The following ERC1 variants were observed in gnomAD, a reference collection of about 807,000 sequenced individuals.
ERC1 encodes RAB6 interacting protein 2.
A neutral mutation model predicts 132.0 loss-of-function variants in ERC1; 56 were observed. The ratio of observed to expected loss-of-function variants is 0.42; its 90% CI spans 0.34 to 0.53. The LOEUF (loss-of-function observed/expected upper bound fraction) is 0.53. Among genes scored for constraint, ERC1 ranks in the 20% least tolerant of loss-of-function variants. The pLI, the probability that ERC1 is intolerant of heterozygous loss-of-function variation, is 0.03. For missense variants in ERC1, 1,202 were observed against 1,349.9 expected (o/e 0.89, Z 1.72); for synonymous variants, 478 against 476.1 (o/e 1.00, Z -0.05).
intron 2 of ERC1, among the ~76,000 whole-genome samples, chr12:1,052,698 G>T (rs530653701): frequency 6.6e-6 from 1 of 152,100 alleles, no homozygotes; most frequent in South Asian, 2.1e-4. Flanking sequence ...GGACAGGCGC[G>T]GTGGCTCATG....
intron 18 of ERC1, among the ~76,000 whole-genome samples, chr12:1,460,168 T>A (rs1395484959): frequency 6.6e-6 from 1 of 152,222 alleles, no homozygotes; most frequent in Non-Finnish European, 1.5e-5. Flanking sequence ...TTCTAATATA[T>A]GCCCACTACT....
intron 8 of ERC1, among the ~76,000 whole-genome samples, chr12:1,149,601 G>T (rs1408580509): frequency 6.6e-6 from 1 of 152,078 alleles, no homozygotes; most frequent in Non-Finnish European, 1.5e-5. Flanking sequence ...GTTTCACCAT[G>T]TTGGCCAGGC....
intron 7 of ERC1, among the ~76,000 whole-genome samples, chr12:1,122,776 G>GA (rs1744549850): frequency 1.4e-4 from 1 of 6,944 alleles, no homozygotes; most frequent in African/African-American, 2.0e-4. Context: ...TTTTTCAGAT[G>GA]AGTGTGTTTC....
At chr12:1,190,852 A>C (rs1016554053) in intron 12 of ERC1, among the ~76,000 whole-genome samples, 6 of 151,864 alleles carry the variant, frequency 4.0e-5, no homozygotes, top group Non-Finnish European at 8.8e-5. Flanking sequence ...AGGGGTCACT[A>C]ATCTACTTGG....
intron 1 of ERC1, among the ~76,000 whole-genome samples, chr12:1,010,493 A>G (rs888046168): frequency 3.5e-5 from 5 of 144,258 alleles, no homozygotes; most frequent in Admixed American, 2.1e-4. Flanking sequence ...AAAAAAAAAA[A>G]AGAGAAAGGA....
At chr12:1,413,559 A>G (rs2091957376) in intron 17 of ERC1, among the ~76,000 whole-genome samples, 1 of 152,182 alleles carries the variant, frequency 6.6e-6, no homozygotes, top group African/African-American at 2.4e-5. Context: ...GCACCACTGC[A>G]CTGCAGCCTG....
intron 15 of ERC1, among the ~76,000 whole-genome samples, chr12:1,336,311 C>T (rs1217493711): frequency 4.0e-5 from 6 of 151,618 alleles, no homozygotes; most frequent in African/African-American, 9.7e-5. Flanking sequence ...GGTTTGCTCT[C>T]GGTTCTCTAG....
chr12:1,165,454 T>C (rs1405370075), intron 8 of ERC1, among the ~76,000 whole-genome samples: 4 of 152,016 alleles, frequency 2.6e-5, no homozygotes, highest in East Asian at 3.9e-4. Context: ...TACAGGCGCC[T>C]GCCACCATGC....
At chr12:1,051,235 G>A (rs1022853797) in intron 2 of ERC1, among the ~76,000 whole-genome samples, 2 of 152,030 alleles carry the variant, frequency 1.3e-5, no homozygotes, top group Non-Finnish European at 2.9e-5. Context: ...AATTGGTGTG[G>A]GCTACAACCT....
intron 18 of ERC1, among the ~76,000 whole-genome samples, chr12:1,482,326 C>T (rs2094109404): frequency 6.6e-6 from 1 of 152,048 alleles, no homozygotes; most frequent in Non-Finnish European, 1.5e-5. Context: ...CCAACCCTGC[C>T]TTCCTTTCTG....
intron 11 of ERC1, among the ~76,000 whole-genome samples, chr12:1,185,975 TAG>T (rs1955050978): frequency 1.3e-5 from 2 of 152,184 alleles, no homozygotes; most frequent in South Asian, 2.1e-4. Flanking sequence ...TTTCTGCCAA[TAG>T]AGTCTTTTGT....
chr12:1,315,427 T>C (rs2081615016), intron 15 of ERC1, among the ~76,000 whole-genome samples: 1 of 152,116 alleles, frequency 6.6e-6, no homozygotes, highest in Admixed American at 6.5e-5. Context: ...CTTGGCTCAC[T>C]GCAACCTCCA....
At chr12:1,010,834 T>C (rs1964571032) in intron 1 of ERC1, among the ~76,000 whole-genome samples, 1 of 152,146 alleles carries the variant, frequency 6.6e-6, no homozygotes, top group Non-Finnish European at 1.5e-5. Flanking sequence ...CAAATTCTTT[T>C]CTGAGGTCTT....
At chr12:1,216,368 T>C (rs1181095100) in intron 12 of ERC1, among the ~76,000 whole-genome samples, 2 of 152,154 alleles carry the variant, frequency 1.3e-5, no homozygotes, top group Non-Finnish European at 2.9e-5. Flanking sequence ...CTTTTATTAA[T>C]GATTTTATGC....
intron 11 of ERC1, among the ~76,000 whole-genome samples, chr12:1,186,890 G>A (rs1955156660): frequency 6.6e-6 from 1 of 152,124 alleles, no homozygotes; most frequent in African/African-American, 2.4e-5. Flanking sequence ...GAGTGCAGTG[G>A]CACAATCTCG....
chr12:1,067,077 G>A (rs1295319279), intron 2 of ERC1, among the ~76,000 whole-genome samples: 1 of 152,064 alleles, frequency 6.6e-6, no homozygotes, highest in Non-Finnish European at 1.5e-5. Context: ...CAAAGTGTTG[G>A]AATTACAGGT....
At chr12:1,416,362 A>G (rs1479233988) in intron 17 of ERC1, among the ~76,000 whole-genome samples, 1 of 152,230 alleles carries the variant, frequency 6.6e-6, no homozygotes, top group Non-Finnish European at 1.5e-5. Flanking sequence ...AAAAGTTTTC[A>G]GATAGGAACT....
At chr12:1,025,962 A>G (rs1205924340) in intron 1 of ERC1, among the ~76,000 whole-genome samples, 1 of 151,888 alleles carries the variant, frequency 6.6e-6, no homozygotes, top group African/African-American at 2.4e-5. Context: ...ATGCTTGGTT[A>G]ATTTTTGTAC....
intron 18 of ERC1, among the ~76,000 whole-genome samples, chr12:1,454,966 C>T (rs7978456): frequency 0.11 from 16,519 of 152,010 alleles, 3,032 homozygotes; most frequent in African/African-American, 0.37. Context: ...TTTTTAGGGG[C>T]CTAAGCCCTA....
Sources: allele counts gnomAD v4.1 joint callset (sites outside exome capture counted in the v4.1 genomes callset), GRCh38; gene constraint gnomAD v4.1.1; transcripts MANE v1.5; gene names NCBI Gene and HGNC (gene_info 2026-07-23, HGNC 2026-07-21).